Variants in ZFAND1 observed in about 807,000 individuals in gnomAD.
The protein encoded by ZFAND1 is zinc finger AN1-type containing 1, also known as AN1-type zinc finger protein 1.
ZFAND1 carries 40 observed loss-of-function variants against 38.5 expected under a neutral mutation model. That is an observed-to-expected ratio of 1.04 (90% CI 0.81 to 1.35). The LOEUF (loss-of-function observed/expected upper bound fraction) is 1.35, where lower values mean the gene tolerates loss of function less well. Among genes scored for constraint, ZFAND1 ranks in the 40% most tolerant of loss-of-function variants. The probability of loss-of-function intolerance (pLI) is 0.00; values close to 1 mark genes in which losing one functional copy is unlikely to be tolerated. For missense variants in ZFAND1, 346 were observed against 316.3 expected (o/e 1.09, Z -0.71); for synonymous variants, 117 against 103.6 (o/e 1.13, Z -0.78).
intron 5 of ZFAND1, chr8:81,714,440 G>A (rs1026656339): frequency 3.9e-6 from 1 of 257,694 alleles, no homozygotes. Flanking sequence ...TTCATTCCTG[G>A]TATCTCTTAT....
intron 6 of ZFAND1, among the ~76,000 whole-genome samples, chr8:81,710,896 C>G (rs923115344): frequency 6.6e-5 from 10 of 152,060 alleles, no homozygotes; most frequent in Non-Finnish European, 1.5e-4. Context: ...AGTGATAAAT[C>G]AAGTGGACAA....
intron 2 of ZFAND1, among the ~76,000 whole-genome samples, chr8:81,717,639 A>G (rs7845962): frequency 0.51 from 77,720 of 151,962 alleles, 21,161 homozygotes; most frequent in South Asian, 0.61. Context: ...AAAAATATAC[A>G]TTACTTTTAT....
chr8:81,719,049 G>A (rs1017555919), intron 1 of ZFAND1, among the ~76,000 whole-genome samples: 2 of 151,794 alleles, frequency 1.3e-5, no homozygotes, highest in African/African-American at 2.4e-5. Context: ...ATGCCACACC[G>A]ACCTCACAGT....
intron 6 of ZFAND1, among the ~76,000 whole-genome samples, chr8:81,711,528 T>C (rs968545784): frequency 6.6e-6 from 1 of 151,894 alleles, no homozygotes; most frequent in Non-Finnish European, 1.5e-5. Context: ...AAAGCAAAAA[T>C]TAGTGAAACA....
intron 2 of ZFAND1, 84 bp from the exon 3 acceptor site, chr8:81,717,372 A>G: frequency 9.7e-7 from 1 of 1,025,802 alleles, no homozygotes. Flanking sequence ...TGTTCAGTAT[A>G]CTTAAGATAC....
chr8:81,721,047 G>C lies in ZFAND1; in HGVS notation c.55+180C>G, dbSNP rs1015777351. On this transcript the variant is annotated intron_variant, in intron 1 of 7. Coordinates refer to ENST00000220669, the MANE Select transcript of ZFAND1 (RefSeq NM_024699.3). ...ACCACACGTCATTTCAAAAGCTCAC[G>C]GCCAAAAAAAACCCGCACCAACCGA... The C allele has an allele frequency of 3.1e-5, 18 of 588,700 alleles. No individual in the cohort carries two copies. The East Asian group carries it at 4.6e-4, about 15-fold the overall frequency. 36.5% of individuals were successfully genotyped at this position (588,700 alleles called of 1,614,324 possible). A position where few individuals can be genotyped will look rare whatever the true frequency, so the allele number is the denominator to read the frequency against.
chr8:81,710,008 A>C (rs1808092373), intron 6 of ZFAND1, among the ~76,000 whole-genome samples: 1 of 152,244 alleles, frequency 6.6e-6, no homozygotes, highest in Non-Finnish European at 1.5e-5. Flanking sequence ...ATTACTGAAT[A>C]CTTGAGAGCA....
chr8:81,703,191 C>A, intron 6 of ZFAND1, 67 bp from the exon 7 acceptor site: 1 of 1,153,522 alleles, frequency 8.7e-7, no homozygotes, highest in Non-Finnish European at 1.2e-6. Context: ...TGTCTGGTGC[C>A]AACCGTTCCT....
rs545892824 is a variant in ZFAND1 at position 81,717,144 on chromosome 8, C to T, written c.138+105G>A. On this transcript the variant is annotated intron_variant, in intron 3 of 7. Transcript: ENST00000220669. ...TCTTTACCTAATCAGTTTAGTATGC[C>T]AAACTTTAATCTGTGATACTGACTG... The T allele has an allele frequency of 3.0e-5, 29 of 956,474 alleles. No individual in the cohort carries two copies. In the South Asian group the frequency reaches 6.0e-4, roughly 20 times the overall value. 59.2% of individuals were successfully genotyped at this position (956,474 alleles called of 1,614,324 possible).
chr8:81,703,416 CTTATTTAT>C (rs72102286), intron 6 of ZFAND1, among the ~76,000 whole-genome samples: 2 of 151,372 alleles, frequency 1.3e-5, no homozygotes, highest in Non-Finnish European at 2.9e-5. Context: ...GAGCACTCTC[CTTATTTAT>C]TTATTTATTT....
chr8:81,715,087 T>C lies in ZFAND1; in HGVS notation c.166A>G (p.Thr56Ala), dbSNP rs1808262468. Reference protein sequence around the residue: ...EVTVINERLKTDQHTSYPCSF... With the variant: ...EVTVINERLKADQHTSYPCSF... ...CATGGGTAAGATGTATGTTGATCTG[T>C]CTTCAGTCTCTCATTGATTACAGTC... The change falls in exon 4 of 8, where the codon ACA becomes GCA. Residue 56 changes from threonine to alanine, a missense_variant. Thr to Ala is a moderately conservative substitution (Grantham distance 58). Coordinates refer to ENST00000220669, the MANE Select transcript of ZFAND1 (RefSeq NM_024699.3). 16 of 1,614,000 alleles carry C rather than the reference T, an allele frequency of 9.9e-6. No individual in the cohort carries two copies. The East Asian group carries it at 3.1e-4, about 31-fold the overall frequency.
rs1347586369 is a variant in ZFAND1 at position 81,720,991 on chromosome 8, C to T, written c.55+236G>A. The stretch of plus-strand genomic sequence containing the variant: ...TCCCACCCCGCTCCTCAGGCCCTGC[C>T]TCAGGAATTGCATGGCTTCCTTCCA... On this transcript the variant is annotated intron_variant, in intron 1 of 7. Coordinates refer to ENST00000220669, the MANE Select transcript of ZFAND1 (RefSeq NM_024699.3). The T allele has an allele frequency of 5.7e-6, 3 of 522,566 alleles. No homozygotes were observed. The Admixed American group carries it at 1.0e-4, about 18-fold the overall frequency. 32.4% of individuals were successfully genotyped at this position (522,566 alleles called of 1,614,324 possible).
intron 2 of ZFAND1, 69 bp from the exon 3 acceptor site, chr8:81,717,357 T>A: frequency 7.8e-7 from 1 of 1,279,398 alleles, no homozygotes; most frequent in South Asian, 1.7e-5. Flanking sequence ...TTTGCGATAT[T>A]TTAATGTTCA....
intron 5 of ZFAND1, 168 bp from the exon 6 acceptor site, chr8:81,714,207 A>T: frequency 1.6e-6 from 1 of 612,546 alleles, no homozygotes; most frequent in South Asian, 2.8e-5. Flanking sequence ...GTCAATGGAA[A>T]AATATCATTG....
rs1807822703 is a variant in ZFAND1 at position 81,701,856 on chromosome 8, A to T, written c.*839T>A. ...TCTATATAGTAGTAGTTTTGGGGGT[A>T]TAGATAGTAAACACTAGTCAAGAAT... On this transcript the variant is annotated 3_prime_UTR_variant, in exon 8 of 8. Coordinates refer to ENST00000220669, the MANE Select transcript of ZFAND1 (RefSeq NM_024699.3). The T allele has an allele frequency of 6.6e-6, 1 of 152,236 alleles. No individual in the cohort carries two copies. The highest frequency in any genetic ancestry group is 2.1e-4 in the South Asian group (1 of 4,836). The allele number at this position is 152,236 out of a possible 1,614,324, so 9.4% of individuals were successfully genotyped here.
At chr8:81,708,719 A>G (rs2130402456) in intron 6 of ZFAND1, 10 of 1,081,540 alleles carry the variant, frequency 9.2e-6, no homozygotes, top group Non-Finnish European at 1.1e-5. Flanking sequence ...AACCATGGAG[A>G]AAAAGGGTAC....
chr8:81,705,277 A>G (rs1456292158), intron 6 of ZFAND1, among the ~76,000 whole-genome samples: 1 of 152,220 alleles, frequency 6.6e-6, no homozygotes, highest in Non-Finnish European at 1.5e-5. Flanking sequence ...CTCCTATTCA[A>G]GATGAACATT....
chr8:81,719,636 T>C (rs1288028594), intron 1 of ZFAND1, among the ~76,000 whole-genome samples: 2 of 152,018 alleles, frequency 1.3e-5, no homozygotes, highest in African/African-American at 4.8e-5. Flanking sequence ...AAGAGTTAAG[T>C]CAAGACAACT....
chr8:81,719,682 A>C (rs562415432), intron 1 of ZFAND1, among the ~76,000 whole-genome samples: 1 of 152,316 alleles, frequency 6.6e-6, no homozygotes, highest in Non-Finnish European at 1.5e-5. Flanking sequence ...ATCCCTCCAG[A>C]AGGTAGATAA....
Sources: allele counts gnomAD v4.1 joint callset (sites outside exome capture counted in the v4.1 genomes callset), GRCh38; gene constraint gnomAD v4.1.1; transcripts MANE v1.5; gene names NCBI Gene and HGNC (gene_info 2026-07-23, HGNC 2026-07-21).